SNAP91: variants seen among roughly 807,000 people sequenced by gnomAD.
SNAP91 encodes the protein clathrin coat assembly protein AP180.
SNAP91 carries 27 observed loss-of-function variants against 100.3 expected under a neutral mutation model. The observed-to-expected ratio is 0.27, with a 90% CI of 0.20 to 0.37. The LOEUF (loss-of-function observed/expected upper bound fraction) is 0.37. SNAP91 is among the 10% of genes least tolerant of loss of function. The probability of loss-of-function intolerance (pLI) is 1.00; values close to 1 mark genes in which losing one functional copy is unlikely to be tolerated. For missense variants in SNAP91, 986 were observed against 1,123.7 expected, an observed-to-expected ratio of 0.88 and a Z score of 1.75; for synonymous variants, 404 against 398.6, an observed-to-expected ratio of 1.01 and a Z score of -0.16.
At chr6:83,686,104 A>G in intron 2 of SNAP91, 1 of 928,536 alleles carries the variant, frequency 1.1e-6, no homozygotes, top group Non-Finnish European at 1.3e-6. Context: ...TTTGTTGTGA[A>G]CCTGGAACAT....
chr6:83,613,847 A>G (rs1000343590), intron 11 of SNAP91, among the ~76,000 whole-genome samples: 1 of 152,262 alleles, frequency 6.6e-6, no homozygotes, highest in Non-Finnish European at 1.5e-5. Flanking sequence ...TATTTGTTAA[A>G]AAGACCAATA....
At chr6:83,706,717 A>G (rs1257065303) in intron 2 of SNAP91, among the ~76,000 whole-genome samples, 1 of 152,234 alleles carries the variant, frequency 6.6e-6, no homozygotes. Context: ...AACCCAGAAG[A>G]TGGGCAAAGG....
chr6:83,560,100 T>C lies in SNAP91; in HGVS notation c.2631+4A>G. The C allele has an allele frequency of 2.5e-6, 4 of 1,610,962 alleles. No individual in the cohort carries two copies. The highest frequency in any genetic ancestry group is 2.5e-6 in the Non-Finnish European group (3 of 1,177,194). On this transcript the variant is annotated splice_donor_region_variant and intron_variant, in intron 28 of 29. Coordinates refer to ENST00000369694, the MANE Select transcript of SNAP91 (RefSeq NM_001242792.2). ...ACTGATTTGTGGACATTGAAGAAACTGACCTGCGTGCCAGGTACAGCGGCA... is the reference window on the plus strand; with the variant it reads ...ACTGATTTGTGGACATTGAAGAAACCGACCTGCGTGCCAGGTACAGCGGCA...
intron 9 of SNAP91, among the ~76,000 whole-genome samples, chr6:83,622,910 A>G (rs1490529183): frequency 3.3e-5 from 5 of 152,124 alleles, no homozygotes; most frequent in Non-Finnish European, 7.4e-5. Context: ...TATCTGGGAC[A>G]TGTTGGAAAC....
At chr6:83,681,792 C>T (rs1333331899) in intron 2 of SNAP91, among the ~76,000 whole-genome samples, 2 of 152,198 alleles carry the variant, frequency 1.3e-5, no homozygotes, top group East Asian at 3.9e-4. Flanking sequence ...TAAAAGATGA[C>T]CAATCTTGGT....
intron 14 of SNAP91, among the ~76,000 whole-genome samples, chr6:83,602,782 A>G (rs1374935523): frequency 2.6e-5 from 4 of 152,084 alleles, no homozygotes; most frequent in Admixed American, 6.6e-5. Flanking sequence ...CTGTCTAATC[A>G]TCAAAAGGTG....
At chr6:83,698,307 T>G (rs960536048) in intron 2 of SNAP91, among the ~76,000 whole-genome samples, 3 of 58,946 alleles carry the variant, frequency 5.1e-5, no homozygotes, top group African/African-American at 1.3e-4. Context: ...CACAAGAAAA[T>G]AAAAGCAATC....
intron 7 of SNAP91, among the ~76,000 whole-genome samples, chr6:83,645,335 T>C (rs1361921122): frequency 6.6e-6 from 1 of 152,040 alleles, no homozygotes; most frequent in Non-Finnish European, 1.5e-5. Context: ...TCCCATATTA[T>C]CCCTGATCCT....
chr6:83,629,800 G>A (rs2097132825), intron 8 of SNAP91, among the ~76,000 whole-genome samples: 1 of 151,952 alleles, frequency 6.6e-6, no homozygotes, highest in Non-Finnish European at 1.5e-5. Flanking sequence ...TCATCAGCAA[G>A]CAGCAACAGC....
chr6:83,657,770 AT>A (rs11364155), intron 6 of SNAP91, among the ~76,000 whole-genome samples: 105,156 of 142,574 alleles, frequency 0.74, 38,495 homozygotes, highest in South Asian at 0.85. Flanking sequence ...CAGATTTCAG[AT>A]TTTTTTTTTT....
At position 83,593,003 on chromosome 6, in the gene SNAP91, G is replaced by A; in HGVS notation, c.1789C>T (p.Pro597Ser). Residue 597 changes from proline to serine, a missense_variant, in exon 20 of 30, where the codon CCA (proline) becomes TCA (serine). By Grantham distance (74) the Pro-to-Ser change is moderately conservative (BLOSUM62 -1). This residue lies in a region of SNAP91 where 575 missense variants were observed against 579.9 expected (regional missense o/e 0.99). Transcript: ENST00000369694. ...DLFSTDAFSS[P>S]PQGASPVPES... is the part of the protein sequence containing the mutation. ...GGCACAGGAGAGGCCCCTTGTGGTG[G>A]AGAGGAGAAAGCATCTTCCAAAAGT... 6.3e-7 allele frequency: 1 copy of A among 1,582,808 alleles called. No individual in the cohort carries two copies. The highest frequency in any genetic ancestry group is 1.2e-5 in the South Asian group (1 of 86,028).
intron 16 of SNAP91, among the ~76,000 whole-genome samples, chr6:83,600,036 G>C (rs1458900595): frequency 6.6e-6 from 1 of 152,036 alleles, no homozygotes; most frequent in Non-Finnish European, 1.5e-5. Flanking sequence ...TCTCCATCTT[G>C]GCCTCCCAAA....
chr6:83,707,807 G>A lies in SNAP91; in HGVS notation c.121C>T (p.His41Tyr). 1 of 1,613,248 alleles carries A rather than the reference G, an allele frequency of 6.2e-7. No individual in the cohort carries two copies. Among genetic ancestry groups the A allele is most frequent in the Non-Finnish European group, 8.5e-7 (1 of 1,179,638 alleles). Residue 41 changes from histidine (H) to tyrosine (Y), a missense_variant, in exon 2 of 30, where the codon CAC becomes TAC. Physicochemically the swap from His to Tyr is moderately conservative, Grantham distance 83. Coordinates refer to ENST00000369694, the MANE Select transcript of SNAP91 (RefSeq NM_001242792.2). Reference protein sequence around the residue: ...THEVMGPKKKHLDYLIQATNE... With the variant: ...THEVMGPKKKYLDYLIQATNE... ...ATAAAGAGATGCTTACAGTCCAGGT[G>A]CTTTTTCTTGGGGCCCATTACTTCA...
chr6:83,605,677 T>C lies in SNAP91; in HGVS notation c.1141+8A>G, dbSNP rs1250332212. 3.2e-6 allele frequency: 5 copies of C among 1,551,408 alleles called. No homozygotes were observed. The highest frequency in any genetic ancestry group is 4.4e-6 in the Non-Finnish European group (5 of 1,146,972). On this transcript the variant is annotated splice_region_variant and intron_variant, in intron 14 of 29. Coordinates refer to ENST00000369694, the MANE Select transcript of SNAP91 (RefSeq NM_001242792.2). The stretch of plus-strand genomic sequence containing the variant: ...AGAGAAATGGCAAGGTTGTCTGGTT[T>C]TACTCACCTCCCCATGCAGTGGCTC...
intron 8 of SNAP91, among the ~76,000 whole-genome samples, chr6:83,626,903 T>G (rs1229027543): frequency 2.6e-5 from 4 of 152,074 alleles, no homozygotes; most frequent in Non-Finnish European, 5.9e-5. Context: ...TGAATAGTAG[T>G]GGTGAAAGTG....
intron 11 of SNAP91, among the ~76,000 whole-genome samples, chr6:83,613,830 T>A (rs564257518): frequency 6.6e-6 from 1 of 152,348 alleles, no homozygotes; most frequent in East Asian, 1.9e-4. Flanking sequence ...CATTTACATA[T>A]AGACAATATT....
chr6:83,685,455 T>C (rs1172174544), intron 2 of SNAP91, among the ~76,000 whole-genome samples: 1 of 152,196 alleles, frequency 6.6e-6, no homozygotes, highest in African/African-American at 2.4e-5. Flanking sequence ...TAATTAAAGT[T>C]AGGAAAACAT....
At chr6:83,680,966 A>G (rs901567622) in intron 2 of SNAP91, among the ~76,000 whole-genome samples, 1 of 152,240 alleles carries the variant, frequency 6.6e-6, no homozygotes. Context: ...TGGCCAAATG[A>G]CCATGCTGCA....
chr6:83,708,079 AC>A, intron 1 of SNAP91, 122 bp from the exon 2 acceptor site: 1 of 808,572 alleles, frequency 1.2e-6, no homozygotes, highest in Non-Finnish European at 1.8e-6. Flanking sequence ...CCCTGGCACC[AC>A]CTCTCGGAGC....
Sources: allele counts gnomAD v4.1 joint callset (sites outside exome capture counted in the v4.1 genomes callset), GRCh38; gene constraint gnomAD v4.1.1; regional missense constraint gnomAD v4.1.1; transcripts MANE v1.5; gene names NCBI Gene and HGNC (gene_info 2026-07-23, HGNC 2026-07-21).